The following RGS6 variants were observed in gnomAD, a reference collection of about 807,000 sequenced individuals.
The protein encoded by RGS6 is regulator of G protein signaling 6, also known as regulator of G-protein signaling 6.
RGS6 carries 30 observed loss-of-function variants against 78.5 expected under a neutral mutation model. The observed-to-expected ratio is 0.38, with a 90% confidence interval of 0.29 to 0.52. RGS6 has a LOEUF of 0.52. Among genes scored for constraint, RGS6 ranks in the 20% least tolerant of loss-of-function variants. The pLI, the probability that RGS6 is intolerant of heterozygous loss-of-function variation, is 0.85. For synonymous variants in RGS6, 206 were observed against 206.0 expected, an observed-to-expected ratio of 1.00 and a Z score of 0.00; for missense variants, 495 against 609.7, an observed-to-expected ratio of 0.81 and a Z score of 1.98.
intron 2 of RGS6, among the ~76,000 whole-genome samples, chr14:71,983,918 A>G (rs1463102324): frequency 1.3e-5 from 2 of 152,228 alleles, no homozygotes; most frequent in African/African-American, 4.8e-5. Flanking sequence ...GATCAAATGA[A>G]CAAGTAGTGT....
chr14:71,998,414 C>T (rs2082781135), intron 2 of RGS6, among the ~76,000 whole-genome samples: 1 of 152,110 alleles, frequency 6.6e-6, no homozygotes, highest in Non-Finnish European at 1.5e-5. Context: ...AAGGGCAGCC[C>T]CAGGGAAAGA....
chr14:72,365,039 A>G (rs1309481131), intron 3 of RGS6, among the ~76,000 whole-genome samples: 1 of 152,214 alleles, frequency 6.6e-6, no homozygotes, highest in African/African-American at 2.4e-5. Context: ...ACATATCCAG[A>G]TCATCCCAAA....
chr14:71,875,585 C>CA, the RGS6 span, among the ~76,000 whole-genome samples: 1 of 152,046 alleles, frequency 6.6e-6, no homozygotes, highest in African/African-American at 2.4e-5. Context: ...CTGATCATTT[C>CA]AAAAAACCAG....
chr14:72,539,856 T>C (rs988563689), intron 16 of RGS6, among the ~76,000 whole-genome samples, 185 bp from the exon 17 acceptor site: 1 of 152,200 alleles, frequency 6.6e-6, no homozygotes, highest in African/African-American at 2.4e-5. Flanking sequence ...TGGGCTTCTG[T>C]CTTCTGTCTC....
At chr14:72,568,163 G>T (rs545317569), downstream of RGS6, among the ~76,000 whole-genome samples, 3 of 152,308 alleles carry the variant, frequency 2.0e-5, no homozygotes, top group Non-Finnish European at 4.4e-5. Flanking sequence ...TATTTCAGCA[G>T]ACAAAACGAA....
chr14:71,919,645 A>G, the RGS6 span, among the ~76,000 whole-genome samples: 1 of 152,216 alleles, frequency 6.6e-6, no homozygotes, highest in Non-Finnish European at 1.5e-5. Context: ...TGCAGCTTCA[A>G]CTATATCTCT....
the RGS6 span, among the ~76,000 whole-genome samples, chr14:71,896,485 G>A: frequency 1.4e-4 from 22 of 152,208 alleles, no homozygotes; most frequent in African/African-American, 4.3e-4. Flanking sequence ...GGTGGGTTTC[G>A]GCCAGCTTCT....
At chr14:72,486,505 C>T (rs2096490664) in intron 12 of RGS6, among the ~76,000 whole-genome samples, 1 of 152,230 alleles carries the variant, frequency 6.6e-6, no homozygotes, top group African/African-American at 2.4e-5. Flanking sequence ...TATGCCTGCT[C>T]ACCCATTTTG....
chr14:72,557,332 A>G (rs2097594099), intron 17 of RGS6, among the ~76,000 whole-genome samples: 1 of 152,230 alleles, frequency 6.6e-6, no homozygotes, highest in African/African-American at 2.4e-5. Context: ...CCAGTTTTAG[A>G]CATCATTGAG....
Position 72,495,279 on chromosome 14 carries a change from G to C in RGS6, c.965+17G>C, listed in dbSNP as rs751019438. The stretch of plus-strand genomic sequence containing the variant: ...AGAGATGAGGTAAAAAATGTTTTAA[G>C]GTTTGGGAGTGGGATGAATGTAGAC... On this transcript the variant is annotated intron_variant, in intron 13 of 17. Transcript: ENST00000553525. 1 of 1,504,012 alleles carries C rather than the reference G, an allele frequency of 6.6e-7. No individual in the cohort carries two copies. Among genetic ancestry groups the C allele is most frequent in the South Asian group, 1.1e-5 (1 of 88,746 alleles). The allele number at this position is 1,504,012 out of a possible 1,614,324, so 93.2% of individuals were successfully genotyped here.
chr14:72,184,873 T>C (rs1169912103), intron 2 of RGS6, among the ~76,000 whole-genome samples: 1 of 152,226 alleles, frequency 6.6e-6, no homozygotes, highest in Non-Finnish European at 1.5e-5. Context: ...ATAGGATAGA[T>C]AGATGTACAT....
chr14:72,426,051 A>T (rs990064178), intron 3 of RGS6, among the ~76,000 whole-genome samples: 8 of 152,298 alleles, frequency 5.3e-5, no homozygotes, highest in East Asian at 1.9e-4. Context: ...TAACAAAAAA[A>T]TTCTAAAAAC....
Position 71,999,878 on chromosome 14 carries a change from T to TA in RGS6, c.84+35003_84+35004insA, listed in dbSNP as rs921819532. Among the ~76,000 whole-genome samples, 99 of 151,438 alleles carry TA rather than the reference T, an allele frequency of 6.5e-4. 1 individual carries two copies. The highest frequency in any genetic ancestry group is 4.7e-4 in the Non-Finnish European group (32 of 67,868). ...GCCAATTAAACCTCTTTTTTTTTTT[T>TA]TATAAATTACCCAGTATGAGGTATT... On this transcript the variant is annotated intron_variant, in intron 2 of 17. Coordinates refer to ENST00000553525, the MANE Select transcript of RGS6 (RefSeq NM_001204424.2).
At chr14:72,319,996 A>G (rs2152507312) in intron 2 of RGS6, among the ~76,000 whole-genome samples, 1 of 152,382 alleles carries the variant, frequency 6.6e-6, no homozygotes, top group East Asian at 1.9e-4. Context: ...ACTCTGTATT[A>G]TAGATGTATT....
intron 12 of RGS6, among the ~76,000 whole-genome samples, chr14:72,486,238 C>G (rs1238222911): frequency 6.6e-6 from 1 of 152,156 alleles, no homozygotes; most frequent in Non-Finnish European, 1.5e-5. Flanking sequence ...AACCTCTTTC[C>G]TTTATAAATT....
At chr14:71,885,739 T>C in the RGS6 span, among the ~76,000 whole-genome samples, 3 of 148,864 alleles carry the variant, frequency 2.0e-5, no homozygotes, top group African/African-American at 7.5e-5. Flanking sequence ...AAGGCTGTTC[T>C]TGTGGATACT....
intron 3 of RGS6, among the ~76,000 whole-genome samples, chr14:72,396,503 A>T (rs964206797): frequency 2.6e-5 from 4 of 151,848 alleles, no homozygotes; most frequent in African/African-American, 9.7e-5. Flanking sequence ...TTGCCTGTTC[A>T]CTCTGATGGT....
chr14:72,185,071 A>G (rs1291748460), intron 2 of RGS6, among the ~76,000 whole-genome samples: 2 of 152,204 alleles, frequency 1.3e-5, no homozygotes. Context: ...CCAAGAGTCC[A>G]AAAGCCGAAG....
intron 2 of RGS6, among the ~76,000 whole-genome samples, chr14:72,306,566 A>G (rs77239512): frequency 0.014 from 2,187 of 152,320 alleles, 42 homozygotes; most frequent in African/African-American, 0.049. Flanking sequence ...CCAAAATTTC[A>G]ACATTAACTG....
Sources: gnomAD v4.1 joint callset for allele counts (sites outside exome capture counted in the v4.1 genomes callset) on GRCh38, gnomAD v4.1.1 for gene constraint, MANE v1.5 for transcripts, NCBI Gene and HGNC (gene_info 2026-07-23, HGNC 2026-07-21) for gene names.